The following PTPRD variants were observed in gnomAD, a reference collection of about 807,000 sequenced individuals.
The protein encoded by PTPRD is protein tyrosine phosphatase receptor type D, also known as receptor-type tyrosine-protein phosphatase delta.
Under a neutral mutation model 214.5 loss-of-function variants are expected in PTPRD, and 34 were observed. The observed-to-expected ratio is 0.16, with a 90% CI of 0.12 to 0.21. The LOEUF (loss-of-function observed/expected upper bound fraction) is 0.21, where lower values mean the gene tolerates loss of function less well. Ranked by LOEUF, PTPRD falls within the 10% of genes least tolerant of loss-of-function variation. PTPRD has a pLI of 1.00. For missense variants in PTPRD, 2,545 were observed against 2,398.7 expected (o/e 1.06, Z -1.27); for synonymous variants, 1,128 against 845.7 (o/e 1.33, Z -5.79).
At chr9:8,825,552 T>A (rs1462727482) in intron 11 of PTPRD, among the ~76,000 whole-genome samples, 1 of 152,104 alleles carries the variant, frequency 6.6e-6, no homozygotes, top group Non-Finnish European at 1.5e-5. Flanking sequence ...CTTTGAAAAA[T>A]AAAAGATTAG....
intron 5 of PTPRD, among the ~76,000 whole-genome samples, chr9:9,900,944 A>G (rs943078952): frequency 1.3e-5 from 2 of 152,076 alleles, no homozygotes; most frequent in African/African-American, 4.8e-5. Flanking sequence ...TGCCAATTTT[A>G]TGTATTAGTC....
At chr9:9,518,861 A>G (rs1801754024) in intron 8 of PTPRD, among the ~76,000 whole-genome samples, 1 of 152,026 alleles carries the variant, frequency 6.6e-6, no homozygotes, top group African/African-American at 2.4e-5. Flanking sequence ...ATGACGGCTA[A>G]AAGATTTTTA....
At chr9:9,292,341 T>G (rs1435983319) in intron 9 of PTPRD, among the ~76,000 whole-genome samples, 1 of 151,410 alleles carries the variant, frequency 6.6e-6, no homozygotes, top group East Asian at 2.0e-4. Flanking sequence ...CTTTGTCACT[T>G]TCCGCATGAT....
chr9:9,365,805 C>T (rs552085724), intron 9 of PTPRD, among the ~76,000 whole-genome samples: 25 of 151,304 alleles, frequency 1.7e-4, no homozygotes, highest in Non-Finnish European at 2.8e-4. Flanking sequence ...CAACTAAAGG[C>T]CTCATCTCCA....
At chr9:9,659,252 C>T (rs1174530004) in intron 7 of PTPRD, among the ~76,000 whole-genome samples, 1 of 151,868 alleles carries the variant, frequency 6.6e-6, no homozygotes, top group Admixed American at 6.6e-5. Context: ...ATATGTGTAG[C>T]TTAAAGATTC....
chr9:8,365,657 C>T (rs557418579), intron 39 of PTPRD, among the ~76,000 whole-genome samples: 3 of 152,224 alleles, frequency 2.0e-5, no homozygotes, highest in African/African-American at 7.2e-5. Flanking sequence ...GTTGTTTTCC[C>T]ATCCAAAGGT....
intron 3 of PTPRD, among the ~76,000 whole-genome samples, chr9:10,248,020 G>A (rs2092359956): frequency 6.6e-6 from 1 of 152,070 alleles, no homozygotes; most frequent in Admixed American, 6.6e-5. Flanking sequence ...TAAAATGGGA[G>A]GTGCCCTGTG....
chr9:8,940,442 C>T (rs113780805), intron 11 of PTPRD, among the ~76,000 whole-genome samples: 13 of 69,258 alleles, frequency 1.9e-4, no homozygotes, highest in African/African-American at 7.1e-4. Flanking sequence ...ATCACCACTC[C>T]CAGCTTTTTT....
chr9:9,333,414 A>G (rs1229658146), intron 9 of PTPRD, among the ~76,000 whole-genome samples: 2 of 150,404 alleles, frequency 1.3e-5, no homozygotes, highest in Non-Finnish European at 3.0e-5. Context: ...GGAGAATAAA[A>G]GCTACATAGA....
rs761470875 is a variant in PTPRD, at chr9:8,524,973, T to G, written c.631A>C (p.Asn211His). 1 of 1,613,720 alleles carries G rather than the reference T, an allele frequency of 6.2e-7. No individual in the cohort carries two copies. The highest frequency in any genetic ancestry group is 1.1e-5 in the South Asian group (1 of 91,080). ...GCGGAATAGCGAGTGCCCGCGCTGT[T>G]GGTGGCAACACACTCATATTTTCCT... ...DQGKYECVATNSAGTRYSAPA... is the reference protein window; with the variant it reads ...DQGKYECVATHSAGTRYSAPA... The change falls in exon 18 of 46, where the codon AAC (asparagine) becomes CAC (histidine). Residue 211 changes from asparagine (N) to histidine (H), a missense_variant. Transcript: ENST00000381196.
chr9:8,579,097 T>C (rs2092778350), intron 14 of PTPRD, among the ~76,000 whole-genome samples: 1 of 152,196 alleles, frequency 6.6e-6, no homozygotes, highest in Non-Finnish European at 1.5e-5. Context: ...GATTAATAAA[T>C]CATAGCAAAG....
intron 9 of PTPRD, among the ~76,000 whole-genome samples, chr9:9,183,977 A>T (rs941077486): frequency 2.0e-5 from 3 of 152,120 alleles, no homozygotes; most frequent in Middle Eastern, 3.2e-3. Context: ...ATTTCTCAAC[A>T]GAATAATTTG....
chr9:8,551,508 G>A (rs1456989713), intron 14 of PTPRD, among the ~76,000 whole-genome samples: 3 of 150,624 alleles, frequency 2.0e-5, no homozygotes, highest in Non-Finnish European at 2.9e-5. Flanking sequence ...GTTTTTTAAC[G>A]AAGGCTAATA....
chr9:8,715,661 C>G (rs1436271417), intron 12 of PTPRD, among the ~76,000 whole-genome samples: 1 of 152,092 alleles, frequency 6.6e-6, no homozygotes. Context: ...GTCAGGCCAA[C>G]GATCTACCAC....
intron 3 of PTPRD, among the ~76,000 whole-genome samples, chr9:10,074,332 GT>G (rs2098092184): frequency 6.6e-6 from 1 of 152,044 alleles, no homozygotes; most frequent in Non-Finnish European, 1.5e-5. Context: ...CTTGCAGTTT[GT>G]GAGACCAAAT....
In PTPRD at chr9:10,115,337, G is replaced by A. The variant is rs554104461; in HGVS notation, c.-544-81547C>T. Among the ~76,000 whole-genome samples the A allele has an allele frequency of 2.0e-5, 3 of 152,136 alleles. No homozygotes were observed. In the East Asian group the frequency reaches 5.8e-4, roughly 29 times the overall value. Reference sequence around the variant, plus strand: ...TTGAATTATAGAGAGTCATAATATGGAATGTAAGGTATAGTGCATTCTGGC... The same window carrying A: ...TTGAATTATAGAGAGTCATAATATGAAATGTAAGGTATAGTGCATTCTGGC... On this transcript the variant is annotated intron_variant, in intron 3 of 45. Coordinates refer to ENST00000381196, the MANE Select transcript of PTPRD (RefSeq NM_002839.4).
At chr9:9,859,695 C>T (rs78334041) in intron 5 of PTPRD, among the ~76,000 whole-genome samples, 1,869 of 152,232 alleles carry the variant, frequency 0.012, 29 homozygotes, top group African/African-American at 0.042. Context: ...TTAGTTAATG[C>T]TCCTGAGATC....
chr9:10,075,195 T>C (rs911288869), intron 3 of PTPRD, among the ~76,000 whole-genome samples: 1 of 152,080 alleles, frequency 6.6e-6, no homozygotes, highest in African/African-American at 2.4e-5. Context: ...TGCAATAACC[T>C]ACATTCATTT....
chr9:8,809,040 G>A lies in PTPRD; in HGVS notation c.-103-75094C>T, dbSNP rs144159411. On this transcript the variant is annotated intron_variant, in intron 11 of 45. Coordinates refer to ENST00000381196, the MANE Select transcript of PTPRD (RefSeq NM_002839.4). ...GGAAAGTCAGAGACCACTGTCCAGTGAAACTAACTAAGACCACAGCTTGGT... is the reference window on the plus strand; with the variant it reads ...GGAAAGTCAGAGACCACTGTCCAGTAAAACTAACTAAGACCACAGCTTGGT... 3.1e-3 allele frequency among the ~76,000 whole-genome samples: 477 copies of A among 152,236 alleles called. 8 individuals are homozygous for A. The highest frequency in any genetic ancestry group is 0.028 in the Admixed American group (432 of 15,282).
Sources: gnomAD v4.1 joint callset for allele counts (sites outside exome capture counted in the v4.1 genomes callset) on GRCh38, gnomAD v4.1.1 for gene constraint, MANE v1.5 for transcripts, NCBI Gene and HGNC (gene_info 2026-07-23, HGNC 2026-07-21) for gene names.